Variants in RIT2 observed in about 807,000 individuals in gnomAD.
RIT2 encodes the protein GTP-binding protein Rit2.
A neutral mutation model predicts 23.7 loss-of-function variants in RIT2; 24 were observed. That is an observed-to-expected ratio of 1.01 (90% CI 0.73 to 1.43). The LOEUF is 1.43. RIT2 is among the 40% of genes most tolerant of loss of function. The pLI is 0.00. For synonymous variants in RIT2, 107 were observed against 91.1 expected (o/e 1.17, Z -0.99); for missense variants, 236 against 266.9 (o/e 0.88, Z 0.81).
intron 4 of RIT2, among the ~76,000 whole-genome samples, chr18:42,844,368 A>G (rs1338933621): frequency 6.6e-6 from 1 of 152,190 alleles, no homozygotes; most frequent in Admixed American, 6.5e-5. Flanking sequence ...GTGGGTCCAG[A>G]GCTCTTGTCC....
chr18:42,939,115 T>C (rs2144155580), intron 3 of RIT2, among the ~76,000 whole-genome samples: 1 of 152,266 alleles, frequency 6.6e-6, no homozygotes, highest in South Asian at 2.1e-4. Flanking sequence ...ATTTTTCAAA[T>C]ACATTTATTG....
intron 4 of RIT2, among the ~76,000 whole-genome samples, chr18:42,916,870 G>T (rs911809524): frequency 5.3e-5 from 8 of 152,224 alleles, no homozygotes; most frequent in African/African-American, 1.7e-4. Flanking sequence ...CTGAAAGGAA[G>T]GAGAAGGAAG....
chr18:42,781,475 G>T (rs1425058249), intron 4 of RIT2, among the ~76,000 whole-genome samples: 2 of 152,044 alleles, frequency 1.3e-5, no homozygotes, highest in Admixed American at 6.6e-5. Context: ...TATTCCACCT[G>T]GCTAACCACC....
intron 2 of RIT2, among the ~76,000 whole-genome samples, chr18:42,994,338 C>T (rs990489520): frequency 5.9e-5 from 9 of 152,118 alleles, no homozygotes; most frequent in African/African-American, 1.9e-4. Flanking sequence ...AACACACATG[C>T]TCTCCCTGCC....
chr18:42,838,452 A>T (rs1906676652), intron 4 of RIT2, among the ~76,000 whole-genome samples: 1 of 152,138 alleles, frequency 6.6e-6, no homozygotes, highest in African/African-American at 2.4e-5. Flanking sequence ...AATTACTATT[A>T]TTATTAGTGT....
chr18:43,050,685 A>G (rs887777269), intron 1 of RIT2, among the ~76,000 whole-genome samples: 1 of 152,022 alleles, frequency 6.6e-6, no homozygotes, highest in African/African-American at 2.4e-5. Flanking sequence ...CTTTCTGATT[A>G]TGGGTTTTAA....
intron 3 of RIT2, among the ~76,000 whole-genome samples, chr18:42,944,884 A>G (rs891588682): frequency 6.6e-6 from 1 of 152,068 alleles, no homozygotes; most frequent in Non-Finnish European, 1.5e-5. Context: ...TATAAGAGCC[A>G]ATGTCTTCAG....
At position 42,974,061 on chromosome 18, in the gene RIT2, G is replaced by A. The variant is rs777274798; in HGVS notation, c.234+13C>T. The stretch of plus-strand genomic sequence containing the variant: ...AAACTCAGAGATTGGAGAGGTTTAA[G>A]AACATCACCTACCTGGCCAGCAGTG... On this transcript the variant is annotated intron_variant, in intron 3 of 4. Transcript: ENST00000326695. 41 of 1,595,850 alleles carry A rather than the reference G, an allele frequency of 2.6e-5. No homozygotes were observed. Among genetic ancestry groups the A allele is most frequent in the Middle Eastern group, 1.7e-4 (1 of 6,016 alleles).
chr18:42,884,798 C>T (rs1004213289), intron 4 of RIT2, among the ~76,000 whole-genome samples: 6 of 152,138 alleles, frequency 3.9e-5, no homozygotes, highest in Non-Finnish European at 7.4e-5. Context: ...GAGTGATTCT[C>T]GTTGGTTATA....
chr18:42,940,445 C>T (rs568612621), intron 3 of RIT2, among the ~76,000 whole-genome samples: 9 of 151,318 alleles, frequency 5.9e-5, no homozygotes, highest in South Asian at 4.2e-4. Flanking sequence ...TACACACCCT[C>T]TCTTCACAGG....
intron 4 of RIT2, among the ~76,000 whole-genome samples, chr18:42,895,488 G>A (rs1037291399): frequency 1.3e-5 from 2 of 151,826 alleles, no homozygotes; most frequent in East Asian, 1.9e-4. Flanking sequence ...CTGTTCTATC[G>A]ATCTCCAAAT....
Position 42,758,782 on chromosome 18 carries a change from C to T in RIT2, c.427-15062G>A, listed in dbSNP as rs555240535. 1.4e-4 allele frequency among the ~76,000 whole-genome samples: 21 copies of T among 151,724 alleles called. No individual in the cohort carries two copies. In the South Asian group the frequency reaches 4.4e-3, roughly 32 times the overall value. ...ACAAGTGATCTGCCTGCCCAAAGTGCTGGGATTACAGGCATGAGCCACCAT... is the reference window on the plus strand; with the variant it reads ...ACAAGTGATCTGCCTGCCCAAAGTGTTGGGATTACAGGCATGAGCCACCAT... On this transcript the variant is annotated intron_variant, in intron 4 of 4. Transcript: ENST00000326695.
Position 42,912,422 on chromosome 18 carries a change from C to T in RIT2, c.426+11150G>A, listed in dbSNP as rs150980232. On this transcript the variant is annotated intron_variant, in intron 4 of 4. Transcript: ENST00000326695. ...GAAATGATCCTGGAAATTTTAGCCA[C>T]TGCAATAAGGCAAGGAATGGAAATT... Among the ~76,000 whole-genome samples the T allele has an allele frequency of 2.2e-3, 334 of 151,904 alleles. 1 individual carries two copies. Among genetic ancestry groups the T allele is most frequent in the African/African-American group, 7.5e-3 (311 of 41,514 alleles).
At position 42,837,153 on chromosome 18, in the gene RIT2, CTTTTTTTTTTTTTTTTTTTTT is replaced by C. The variant is rs570701535; in HGVS notation, c.426+86398_426+86418del. Among the ~76,000 whole-genome samples, 8 of 51,702 alleles carry C rather than the reference CTTTTTTTTTTTTTTTTTTTTT, an allele frequency of 1.5e-4. No individual in the cohort carries two copies. In the South Asian group the frequency reaches 5.5e-3, roughly 36 times the overall value. The allele number at this position is 51,702 out of a possible 152,430, so 33.9% of individuals were successfully genotyped here. On this transcript the variant is annotated intron_variant, in intron 4 of 4. Transcript: ENST00000326695. ...TAAAAATTTCTTTTTTTTTCTTTTTCTTTTTTTTTTTTTTTTTTTTTTTTTTTTTTTTGAGACGGAGTCTCG... is the reference window on the plus strand; with the variant it reads ...TAAAAATTTCTTTTTTTTTCTTTTTCTTTTTTTTTTTGAGACGGAGTCTCG...
chr18:43,054,615 G>A (rs922121913), intron 1 of RIT2, among the ~76,000 whole-genome samples: 2 of 152,014 alleles, frequency 1.3e-5, no homozygotes, highest in African/African-American at 4.8e-5. Flanking sequence ...ATTTTCCATA[G>A]CTCTTTTCAA....
rs560143290 is a variant in RIT2, at chr18:42,787,069, T to C, written c.427-43349A>G. 2.6e-5 allele frequency among the ~76,000 whole-genome samples: 4 copies of C among 152,162 alleles called. No individual in the cohort carries two copies. In the East Asian group the frequency reaches 5.8e-4, roughly 22 times the overall value. ...ATGAAGGGCTTCCTTACAGAAACTC[T>C]ATTATGCAATCTGCCATAAAGAATA... On this transcript the variant is annotated intron_variant, in intron 4 of 4. Transcript: ENST00000326695.
chr18:42,972,360 A>T (rs936794236), intron 3 of RIT2, among the ~76,000 whole-genome samples: 1 of 151,992 alleles, frequency 6.6e-6, no homozygotes, highest in African/African-American at 2.4e-5. Flanking sequence ...GTCTTCAAAT[A>T]ACTCATAAAT....
At chr18:42,901,181 A>G (rs112409321) in intron 4 of RIT2, among the ~76,000 whole-genome samples, 1,538 of 152,176 alleles carry the variant, frequency 0.01, 22 homozygotes, top group African/African-American at 0.034. Flanking sequence ...TGTATTAGAT[A>G]TTGATGCTTG....
chr18:42,756,333 C>T (rs563099093), intron 4 of RIT2, among the ~76,000 whole-genome samples: 6 of 152,012 alleles, frequency 3.9e-5, no homozygotes, highest in African/African-American at 7.3e-5. Context: ...TGTAGCCAGT[C>T]GTTCTGAGAC....
Sources: allele counts gnomAD v4.1 joint callset (sites outside exome capture counted in the v4.1 genomes callset), GRCh38; gene constraint gnomAD v4.1.1; transcripts MANE v1.5; gene names NCBI Gene and HGNC (gene_info 2026-07-23, HGNC 2026-07-21).